The following MTUS1 variants were observed in gnomAD, a reference collection of about 807,000 sequenced individuals.
MTUS1 encodes the protein microtubule-associated tumor suppressor 1.
MTUS1 carries 109 observed loss-of-function variants against 120.8 expected under a neutral mutation model. That is an observed-to-expected ratio of 0.90 (90% CI 0.77 to 1.06). MTUS1 has a LOEUF of 1.06. Ranked by LOEUF, MTUS1 falls within the 50% of genes least tolerant of loss-of-function variation. MTUS1 has a pLI of 0.00. For missense variants in MTUS1, 2,210 were observed against 1,486.3 expected (o/e 1.49, Z -8.01); for synonymous variants, 737 against 550.5 (o/e 1.34, Z -4.74).
At chr8:17,762,095 C>A (rs1216830803) in intron 1 of MTUS1, among the ~76,000 whole-genome samples, 1 of 152,112 alleles carries the variant, frequency 6.6e-6, no homozygotes, top group African/African-American at 2.4e-5. Context: ...GCCTAGCCAA[C>A]ATGGTGAAAC....
chr8:17,730,748 C>G (rs1349478880), intron 3 of MTUS1, among the ~76,000 whole-genome samples: 1 of 152,162 alleles, frequency 6.6e-6, no homozygotes, highest in Non-Finnish European at 1.5e-5. Flanking sequence ...GTATGATTCT[C>G]TTTCATGATT....
chr8:17,703,116 G>T (rs931344918), intron 6 of MTUS1, among the ~76,000 whole-genome samples: 1 of 152,096 alleles, frequency 6.6e-6, no homozygotes, highest in African/African-American at 2.4e-5. Context: ...GTGATTTTAG[G>T]GAACAAGGGA....
Position 17,794,662 on chromosome 8 carries a change from T to C in MTUS1, c.-155+6399A>G, listed in dbSNP as rs574319191. On this transcript the variant is annotated intron_variant, in intron 1 of 14. Coordinates refer to ENST00000693296, the MANE Select transcript of MTUS1 (RefSeq NM_001363059.2). Reference sequence around the variant, plus strand: ...GCTTAGGGTCACAGTAATAAGCAAATATGGTTCAATTCTGTAATTTGATTA... The same window carrying C: ...GCTTAGGGTCACAGTAATAAGCAAACATGGTTCAATTCTGTAATTTGATTA... Among the ~76,000 whole-genome samples the C allele has an allele frequency of 3.3e-5, 5 of 152,304 alleles. No homozygotes were observed. The South Asian group carries it at 6.2e-4, about 19-fold the overall frequency.
chr8:17,749,189 T>C (rs561684628), intron 2 of MTUS1, among the ~76,000 whole-genome samples: 7 of 152,230 alleles, frequency 4.6e-5, no homozygotes, highest in East Asian at 1.9e-4. Flanking sequence ...TTAAGACTGA[T>C]AGAACAGACT....
intron 13 of MTUS1, among the ~76,000 whole-genome samples, chr8:17,648,658 C>G (rs748194317): frequency 6.6e-6 from 1 of 152,180 alleles, no homozygotes; most frequent in Non-Finnish European, 1.5e-5. Context: ...GGGGCTTGGC[C>G]GTTATCTCCC....
chr8:17,688,937 T>C (rs1467213233), intron 6 of MTUS1, among the ~76,000 whole-genome samples: 2 of 151,996 alleles, frequency 1.3e-5, no homozygotes, highest in Non-Finnish European at 1.5e-5. Flanking sequence ...CCAGGCCGGG[T>C]GCGGTGGCTC....
At chr8:17,668,320 T>G (rs1436673391) in intron 8 of MTUS1, among the ~76,000 whole-genome samples, 1 of 152,178 alleles carries the variant, frequency 6.6e-6, no homozygotes, top group Non-Finnish European at 1.5e-5. Flanking sequence ...GCCAAAAGAT[T>G]GGACACCCCT....
At chr8:17,722,625 T>A (rs1006981575) in intron 4 of MTUS1, 6 of 953,616 alleles carry the variant, frequency 6.3e-6, no homozygotes, top group Non-Finnish European at 7.5e-6. Flanking sequence ...TGCTCATTAA[T>A]TCGGTCATTA....
intron 4 of MTUS1, among the ~76,000 whole-genome samples, chr8:17,721,344 T>C (rs529351429): frequency 5.3e-5 from 8 of 152,328 alleles, no homozygotes; most frequent in African/African-American, 1.9e-4. Flanking sequence ...ATGTGATGTT[T>C]CCATTTTAAT....
intron 3 of MTUS1, among the ~76,000 whole-genome samples, chr8:17,741,099 A>G (rs550607395): frequency 1.3e-5 from 2 of 151,912 alleles, no homozygotes; most frequent in South Asian, 4.2e-4. Flanking sequence ...GGCTGGTCTC[A>G]AACTCCTGAC....
intron 6 of MTUS1, chr8:17,706,178 C>T (rs1477703889): frequency 6.6e-6 from 1 of 152,058 alleles, no homozygotes; most frequent in Non-Finnish European, 1.5e-5. Context: ...TAAAAGATCG[C>T]CATCATTACC....
Position 17,750,610 on chromosome 8 carries a change from G to A in MTUS1, c.2091+3107C>T, listed in dbSNP as rs146038995. On this transcript the variant is annotated intron_variant, in intron 2 of 14. Transcript: ENST00000693296. ...AGCTGTGTGAGTTTTAAGTGACCTCGCTGAAGTATTAAAATGTCGACAACA... is the reference window on the plus strand; with the variant it reads ...AGCTGTGTGAGTTTTAAGTGACCTCACTGAAGTATTAAAATGTCGACAACA... Among the ~76,000 whole-genome samples, 1,319 of 152,242 alleles carry A rather than the reference G, an allele frequency of 8.7e-3. 5 individuals are homozygous for A. The highest frequency in any genetic ancestry group is 0.015 in the Non-Finnish European group (995 of 68,008).
Position 17,723,959 on chromosome 8 carries a change from T to C in MTUS1, c.2288-126A>G, listed in dbSNP as rs922444469. The C allele has an allele frequency of 1.9e-4, 135 of 715,292 alleles. 8 individuals carry two copies. Among genetic ancestry groups the C allele is most frequent in the Non-Finnish European group, 3.0e-4 (128 of 433,738 alleles). The allele number at this position is 715,292 out of a possible 1,614,324, so 44.3% of individuals were successfully genotyped here. A position where few individuals can be genotyped will look rare whatever the true frequency, so the allele number is the denominator to read the frequency against. The stretch of plus-strand genomic sequence containing the variant: ...CAAAACACAAAATGAATGTTCACAA[T>C]CATGTAACTTCAGATGAAAGATGAA... On this transcript the variant is annotated intron_variant, in intron 3 of 14. Coordinates refer to ENST00000693296, the MANE Select transcript of MTUS1 (RefSeq NM_001363059.2).
Position 17,753,895 on chromosome 8 carries a change from T to A in MTUS1, c.1913A>T (p.Lys638Ile). 3 of 1,614,182 alleles carry A rather than the reference T, an allele frequency of 1.9e-6. No individual in the cohort carries two copies. Among genetic ancestry groups the A allele is most frequent in the Non-Finnish European group, 2.5e-6 (3 of 1,180,028 alleles). Reference protein sequence around the residue: ...GSVSALFQKIKGILPVKMESA... With the variant: ...GSVSALFQKIIGILPVKMESA... ...TTCCATTTTAACAGGGAGTATGCCT[T>A]TGATCTTCTGAAACAACGCAGAAAC... The change falls in exon 2 of 15, where the codon AAA becomes ATA. Residue 638 changes from lysine to isoleucine, a missense_variant. Physicochemically the swap from Lys to Ile is moderately radical, Grantham distance 102 (BLOSUM62 -3). Transcript: ENST00000693296.
rs763713967 is a variant in MTUS1 at position 17,713,223 on chromosome 8, G to C, written c.2614C>G (p.Leu872Val). 14 of 1,598,782 alleles carry C rather than the reference G, an allele frequency of 8.8e-6. No individual in the cohort carries two copies. Among genetic ancestry groups the C allele is most frequent in the Non-Finnish European group, 1.1e-5 (13 of 1,168,686 alleles). Residue 872 changes from leucine (L) to valine (V), a missense_variant, in exon 6 of 15, where the codon CTT (leucine) becomes GTT (valine). Physicochemically the swap from Leu to Val is conservative, Grantham distance 32. Coordinates refer to ENST00000693296, the MANE Select transcript of MTUS1 (RefSeq NM_001363059.2). ...GPSRKNLFTA[L>V]NAVEKSRQKN... ...TAAAGTGGTCACTCACCTGCATTAAGAGCTGTAAATAAATTTTTTCTCGAA... is the reference window on the plus strand; with the variant it reads ...TAAAGTGGTCACTCACCTGCATTAACAGCTGTAAATAAATTTTTTCTCGAA...
At chr8:17,706,539 A>G (rs1292975210) in intron 6 of MTUS1, among the ~76,000 whole-genome samples, 10 of 152,244 alleles carry the variant, frequency 6.6e-5, no homozygotes, top group East Asian at 1.9e-4. Flanking sequence ...ATAATATCCA[A>G]TGTTGACCCA....
At chr8:17,669,874 A>T (rs1811660375) in intron 8 of MTUS1, among the ~76,000 whole-genome samples, 1 of 152,186 alleles carries the variant, frequency 6.6e-6, no homozygotes, top group Non-Finnish European at 1.5e-5. Flanking sequence ...AATGTCCAGT[A>T]GAGACACATG....
At chr8:17,675,113 A>T in intron 8 of MTUS1, 73 bp downstream of exon 8, 1 of 1,603,700 alleles carries the variant, frequency 6.2e-7, no homozygotes. Flanking sequence ...GCCACAACGC[A>T]GACAGGACAA....
In MTUS1 at chr8:17,715,769, T is replaced by C. The variant is rs1295142660; in HGVS notation, c.2582A>G (p.Lys861Arg). 5 of 1,611,894 alleles carry C rather than the reference T, an allele frequency of 3.1e-6. No individual in the cohort carries two copies. Among genetic ancestry groups the C allele is most frequent in the Non-Finnish European group, 4.2e-6 (5 of 1,179,430 alleles). The change falls in exon 5 of 15, where the codon AAA becomes AGA. Residue 861 changes from lysine to arginine, a missense_variant and splice_region_variant. Transcript: ENST00000693296. ...TCAAACCACAATGAGGACTGTACCT[T>C]TTGGAGGAGTTTTCATCAAGTGAAC... ...AHVHLMKTPP[K>R]GPSRKNLFTA...
Sources: allele counts gnomAD v4.1 joint callset (sites outside exome capture counted in the v4.1 genomes callset), GRCh38; gene constraint gnomAD v4.1.1; transcripts MANE v1.5; gene names NCBI Gene and HGNC (gene_info 2026-07-23, HGNC 2026-07-21).